THSD4: variants seen among roughly 807,000 people sequenced by gnomAD.
The protein encoded by THSD4 is thrombospondin type 1 domain containing 4.
In THSD4, 69 loss-of-function variants were observed where a neutral mutation model predicts 119.0. The ratio of observed to expected loss-of-function variants is 0.58; its 90% CI spans 0.48 to 0.71. The LOEUF (loss-of-function observed/expected upper bound fraction) is 0.71, where lower values mean the gene tolerates loss of function less well. Among genes scored for constraint, THSD4 ranks in the 30% least tolerant of loss-of-function variants. The pLI is 0.00. For missense variants in THSD4, 1,393 were observed against 1,391.1 expected, an observed-to-expected ratio of 1.00 and a Z score of -0.02; for synonymous variants, 524 against 540.4, an observed-to-expected ratio of 0.97 and a Z score of 0.42.
chr15:71,180,983 A>G (rs764853790), intron 3 of THSD4, among the ~76,000 whole-genome samples: 27 of 152,214 alleles, frequency 1.8e-4, no homozygotes, highest in Non-Finnish European at 3.7e-4. Context: ...GCAGTGAATC[A>G]AATACCAGTA....
At chr15:71,366,176 C>T (rs776831062) in intron 6 of THSD4, among the ~76,000 whole-genome samples, 1 of 152,130 alleles carries the variant, frequency 6.6e-6, no homozygotes, top group Non-Finnish European at 1.5e-5. Context: ...CAGGTTCATG[C>T]CATTCTCCTG....
intron 1 of THSD4, among the ~76,000 whole-genome samples, chr15:71,126,005 G>T (rs2040452369): frequency 6.6e-6 from 1 of 152,202 alleles, no homozygotes; most frequent in Admixed American, 6.5e-5. Context: ...TCATTATTCT[G>T]TTGGGCAGGG....
intron 7 of THSD4, among the ~76,000 whole-genome samples, chr15:71,466,358 A>G (rs541760838): frequency 0.014 from 1,976 of 145,418 alleles, 48 homozygotes; most frequent in African/African-American, 0.047. Context: ...AAAAAAAAAA[A>G]GGAAAATAGA....
In THSD4 at chr15:71,672,383, G is replaced by T. The variant is rs978533936; in HGVS notation, c.1357+11649G>T. Among the ~76,000 whole-genome samples, 26 of 152,202 alleles carry T rather than the reference G, an allele frequency of 1.7e-4. 1 individual carries two copies. The highest frequency in any genetic ancestry group is 6.0e-4 in the African/African-American group (25 of 41,552). ...GTTGTTTATCAGCTTAAGGAGATTT[G>T]GGGCTGAGACGATGGGGTTTTCTAA... On this transcript the variant is annotated intron_variant, in intron 8 of 17. Coordinates refer to ENST00000261862, the MANE Select transcript of THSD4 (RefSeq NM_024817.3).
At chr15:71,333,242 C>G (rs2045449942) in intron 6 of THSD4, among the ~76,000 whole-genome samples, 1 of 152,006 alleles carries the variant, frequency 6.6e-6, no homozygotes, top group African/African-American at 2.4e-5. Flanking sequence ...TCTGGAGTCT[C>G]TAGGCTGAAA....
At chr15:71,564,235 T>C (rs1438205192) in intron 7 of THSD4, among the ~76,000 whole-genome samples, 1 of 152,162 alleles carries the variant, frequency 6.6e-6, no homozygotes, top group Admixed American at 6.6e-5. Context: ...GATTCAAAGG[T>C]GGGTCCCCAC....
chr15:71,117,201 C>T (rs1391615221), intron 1 of THSD4, among the ~76,000 whole-genome samples: 1 of 152,090 alleles, frequency 6.6e-6, no homozygotes, highest in African/African-American at 2.4e-5. Context: ...CAGCACTGGG[C>T]GGGGCACCAG....
At chr15:71,207,157 C>G (rs529106966) in intron 3 of THSD4, among the ~76,000 whole-genome samples, 11 of 152,176 alleles carry the variant, frequency 7.2e-5, no homozygotes, top group Non-Finnish European at 1.3e-4. Flanking sequence ...CATTTATGTT[C>G]ATTTCCCTTA....
intron 8 of THSD4, among the ~76,000 whole-genome samples, chr15:71,716,352 G>A (rs896472176): frequency 6.6e-6 from 1 of 152,146 alleles, no homozygotes; most frequent in Non-Finnish European, 1.5e-5. Context: ...CAGGTTCCAG[G>A]TGGATATGAA....
At chr15:71,697,626 AGAAAT>A (rs2052192243) in intron 8 of THSD4, among the ~76,000 whole-genome samples, 1 of 152,074 alleles carries the variant, frequency 6.6e-6, no homozygotes, top group East Asian at 1.9e-4. Flanking sequence ...ATCATAGAAA[AGAAAT>A]GCTGTAGAAT....
rs77796721 is a variant in THSD4, at chr15:71,551,579, C to T, written c.1153-108951C>T. Among the ~76,000 whole-genome samples, 1,188 of 152,082 alleles carry T rather than the reference C, an allele frequency of 7.8e-3. 8 individuals carry two copies. The highest frequency in any genetic ancestry group is 0.013 in the Non-Finnish European group (878 of 67,990). On this transcript the variant is annotated intron_variant, in intron 7 of 17. Transcript: ENST00000261862. Reference sequence around the variant, plus strand: ...TATGATTTATTACAGTGAAAGTATACGAAGAAAATCAACAAAAGGAAAAGG... The same window carrying T: ...TATGATTTATTACAGTGAAAGTATATGAAGAAAATCAACAAAAGGAAAAGG...
chr15:71,285,973 T>G (rs1052350701), intron 6 of THSD4, among the ~76,000 whole-genome samples: 3 of 151,844 alleles, frequency 2.0e-5, no homozygotes, highest in African/African-American at 7.2e-5. Flanking sequence ...AATACTCAGG[T>G]TTTTTTCTAC....
intron 7 of THSD4, among the ~76,000 whole-genome samples, chr15:71,434,064 C>G (rs1431548394): frequency 6.6e-6 from 1 of 152,066 alleles, no homozygotes; most frequent in Admixed American, 6.5e-5. Flanking sequence ...CAGACCTAGG[C>G]AAAATGTCCT....
chr15:71,447,214 G>C (rs1052380311), intron 7 of THSD4, among the ~76,000 whole-genome samples: 2 of 143,294 alleles, frequency 1.4e-5, no homozygotes, highest in Admixed American at 7.4e-5. Context: ...TCCACCTCTT[G>C]GGTTCAAGGA....
intron 7 of THSD4, among the ~76,000 whole-genome samples, chr15:71,454,949 T>C (rs1261275419): frequency 6.6e-6 from 1 of 152,216 alleles, no homozygotes; most frequent in Admixed American, 6.5e-5. Context: ...GTGGGACCCC[T>C]GCTACAGCTT....
chr15:71,223,845 T>G (rs759318364), intron 4 of THSD4, among the ~76,000 whole-genome samples: 12 of 152,092 alleles, frequency 7.9e-5, no homozygotes, highest in Non-Finnish European at 1.8e-4. Flanking sequence ...TCTTGAATGA[T>G]TAGTTTGCAT....
At chr15:71,528,037 C>G (rs1381783821) in intron 7 of THSD4, among the ~76,000 whole-genome samples, 1 of 152,036 alleles carries the variant, frequency 6.6e-6, no homozygotes, top group African/African-American at 2.4e-5. Flanking sequence ...TCATGTCTTG[C>G]CTGATATATC....
At chr15:71,215,005 T>C in intron 3 of THSD4, 30 bp from the exon 4 acceptor site, 1 of 1,242,064 alleles carries the variant, frequency 8.1e-7, no homozygotes, top group East Asian at 3.3e-5. Flanking sequence ...AGCGGTGTTC[T>C]GGTCCCCTAA....
At chr15:71,368,910 T>C (rs1205590329) in intron 6 of THSD4, among the ~76,000 whole-genome samples, 12 of 152,194 alleles carry the variant, frequency 7.9e-5, no homozygotes, top group Non-Finnish European at 1.3e-4. Context: ...ATTCTTCCTA[T>C]CCAGGAGCAT....
Sources: gnomAD v4.1 joint callset for allele counts (sites outside exome capture counted in the v4.1 genomes callset) on GRCh38, gnomAD v4.1.1 for gene constraint, MANE v1.5 for transcripts, NCBI Gene and HGNC (gene_info 2026-07-23, HGNC 2026-07-21) for gene names.